CCDC141: variants seen among roughly 807,000 people sequenced by gnomAD.
CCDC141 encodes the protein coiled-coil domain containing 141.
In CCDC141, 168 loss-of-function variants were observed where a neutral mutation model predicts 181.0. That is an observed-to-expected ratio of 0.93 (90% confidence interval 0.82 to 1.05). CCDC141 has a LOEUF of 1.05. Among genes scored for constraint, CCDC141 ranks in the 50% least tolerant of loss-of-function variants. The pLI, the probability that CCDC141 is intolerant of heterozygous loss-of-function variation, is 0.00. For missense variants in CCDC141, 1,902 were observed against 1,788.5 expected, an observed-to-expected ratio of 1.06 and a Z score of -1.14; for synonymous variants, 666 against 642.3, an observed-to-expected ratio of 1.04 and a Z score of -0.56.
Position 178,845,684 on chromosome 2 carries a change from T to C in CCDC141, c.3416A>G (p.Asp1139Gly). The C allele has an allele frequency of 6.2e-7, 1 of 1,612,712 alleles. No individual in the cohort carries two copies. Among genetic ancestry groups the C allele is most frequent in the Non-Finnish European group, 8.5e-7 (1 of 1,178,888 alleles). ...ATTTTTTGCTGGTTCCTTTAGCAAG[T>C]CAATGTAATCATAATGGAAGTCTTC... The part of the protein sequence containing the change: ...NLEDFHYDYI[D>G]LLKEPAKNKQ... The change falls in exon 22 of 24, where the codon GAC (aspartate) becomes GGC (glycine). Residue 1139 changes from aspartate (D) to glycine (G), a missense_variant. Physicochemically the swap from Asp to Gly is moderately conservative, Grantham distance 94. Transcript: ENST00000443758.
intron 17 of CCDC141, among the ~76,000 whole-genome samples, chr2:178,863,598 A>G (rs1313781532): frequency 2.0e-5 from 3 of 152,134 alleles, no homozygotes; most frequent in Non-Finnish European, 4.4e-5. Flanking sequence ...GAACACACAT[A>G]TTTTTATTTT....
At position 178,954,471 on chromosome 2, in the gene CCDC141, G is replaced by A. The variant is rs559471896; in HGVS notation, c.780+6759C>T. ...TAAGATAGGAAAGTATGTGTTTTTC[G>A]TTTACTGTTTTCCTGCAATTGATGT... On this transcript the variant is annotated intron_variant, in intron 5 of 23. Transcript: ENST00000443758. Among the ~76,000 whole-genome samples the A allele has an allele frequency of 4.6e-5, 7 of 152,212 alleles. No individual in the cohort carries two copies. In the South Asian group the frequency reaches 8.3e-4, roughly 18 times the overall value.
At chr2:179,039,184 TC>T (rs1017771966) in intron 2 of CCDC141, among the ~76,000 whole-genome samples, 1 of 152,126 alleles carries the variant, frequency 6.6e-6, no homozygotes, top group African/African-American at 2.4e-5. Flanking sequence ...AAATATTTTT[TC>T]TTTGGACACT....
In CCDC141 at chr2:179,049,830, G is replaced by A; in HGVS notation, c.102+10C>T. 1 of 1,550,548 alleles carries A rather than the reference G, an allele frequency of 6.4e-7. No individual in the cohort carries two copies. Among genetic ancestry groups the A allele is most frequent in the Non-Finnish European group, 8.7e-7 (1 of 1,146,768 alleles). The stretch of plus-strand genomic sequence containing the variant: ...ACAGCCGCACAGAAAAAAGGAAGTT[G>A]TTAGCTTACCTTTATGACAGCTATA... On this transcript the variant is annotated intron_variant, in intron 1 of 23. Transcript: ENST00000443758.
intron 2 of CCDC141, among the ~76,000 whole-genome samples, chr2:179,000,376 A>G (rs2154383297): frequency 6.6e-6 from 1 of 152,304 alleles, no homozygotes; most frequent in South Asian, 2.1e-4. Flanking sequence ...CCTAGTCTAA[A>G]TAGTTGCAAC....
chr2:179,035,229 A>G (rs1373827721), intron 2 of CCDC141, among the ~76,000 whole-genome samples: 1 of 152,172 alleles, frequency 6.6e-6, no homozygotes, highest in Non-Finnish European at 1.5e-5. Context: ...TCATAAAGAA[A>G]ACCTCTCATA....
At chr2:178,880,317 A>G (rs1686537119) in intron 11 of CCDC141, among the ~76,000 whole-genome samples, 1 of 152,204 alleles carries the variant, frequency 6.6e-6, no homozygotes, top group Non-Finnish European at 1.5e-5. Flanking sequence ...CAATTGCTTT[A>G]TTACACTTGT....
Position 179,049,862 on chromosome 2 carries a change from T to C in CCDC141, c.80A>G (p.Lys27Arg). Residue 27 changes from lysine to arginine, a missense_variant, in exon 1 of 24, where the codon AAA (lysine) becomes AGA (arginine). Physicochemically the swap from Lys to Arg is conservative, Grantham distance 26. Coordinates refer to ENST00000443758, the MANE Select transcript of CCDC141 (RefSeq NM_173648.4). Reference protein sequence around the residue: ...SSVAVQAGDSKIVIAVIKCGK... With the variant: ...SSVAVQAGDSRIVIAVIKCGK... ...TACCTTTATGACAGCTATAACGATT[T>C]TGGAGTCCCCAGCCTGCACAGCAAC... 6.4e-7 allele frequency: 1 copy of C among 1,550,774 alleles called. No homozygotes were observed. The highest frequency in any genetic ancestry group is 8.7e-7 in the Non-Finnish European group (1 of 1,146,942).
the CCDC141 span, chr2:178,817,718 C>A: frequency 5.9e-6 from 2 of 337,974 alleles, no homozygotes; most frequent in South Asian, 2.5e-5. Context: ...CTAAGATACA[C>A]ATGTGTAATA....
chr2:178,914,611 G>T (rs574457576), intron 7 of CCDC141, among the ~76,000 whole-genome samples: 16 of 152,240 alleles, frequency 1.1e-4, no homozygotes, highest in South Asian at 2.1e-4. Flanking sequence ...AAGGCAGTGG[G>T]GGAACTGTTG....
At chr2:178,973,848 C>T (rs528159539) in intron 4 of CCDC141, among the ~76,000 whole-genome samples, 15 of 152,302 alleles carry the variant, frequency 9.8e-5, no homozygotes, top group Non-Finnish European at 1.8e-4. Flanking sequence ...CTGTTGCCTT[C>T]CAGTCTCCTA....
At chr2:178,996,042 T>G (rs1363804718) in intron 2 of CCDC141, among the ~76,000 whole-genome samples, 1 of 151,990 alleles carries the variant, frequency 6.6e-6, no homozygotes, top group Non-Finnish European at 1.5e-5. Flanking sequence ...TGACAATGAG[T>G]GTGGTAAGAA....
chr2:179,005,371 A>G (rs1236022499), intron 2 of CCDC141, among the ~76,000 whole-genome samples: 2 of 152,204 alleles, frequency 1.3e-5, no homozygotes, highest in African/African-American at 4.8e-5. Context: ...TTGTTTAAAT[A>G]GTTTTAAAAT....
chr2:178,826,466 T>C (rs1489398002), downstream of CCDC141, among the ~76,000 whole-genome samples: 4 of 152,206 alleles, frequency 2.6e-5, no homozygotes, highest in East Asian at 7.7e-4. Flanking sequence ...GAGTTCTCTC[T>C]GCTTCTATTT....
chr2:178,822,430 A>G, the CCDC141 span, among the ~76,000 whole-genome samples: 1 of 30,158 alleles, frequency 3.3e-5, no homozygotes, highest in African/African-American at 1.6e-4. Context: ...ATCCCTCCTG[A>G]AAAAAAAAAA....
At chr2:178,992,340 CTTT>C (rs34507992) in intron 2 of CCDC141, among the ~76,000 whole-genome samples, 4 of 118,604 alleles carry the variant, frequency 3.4e-5, no homozygotes, top group Non-Finnish European at 5.2e-5. Context: ...TAAAATAGAC[CTTT>C]TTTTTTTTTT....
chr2:178,988,375 C>T (rs1055758319), intron 2 of CCDC141, among the ~76,000 whole-genome samples: 29 of 149,974 alleles, frequency 1.9e-4, no homozygotes, highest in Admixed American at 8.6e-4. Flanking sequence ...TGCTAGATGA[C>T]GAGTTAGTGG....
At chr2:178,939,600 G>A (rs1689426023) in intron 6 of CCDC141, among the ~76,000 whole-genome samples, 1 of 152,096 alleles carries the variant, frequency 6.6e-6, no homozygotes, top group African/African-American at 2.4e-5. Context: ...TATTAGAGAG[G>A]TAGGCAACCT....
At chr2:178,866,009 C>G in intron 16 of CCDC141, 93 bp from the exon 17 acceptor site, 1 of 1,028,070 alleles carries the variant, frequency 9.7e-7, no homozygotes, top group South Asian at 3.6e-5. Flanking sequence ...TCATAAATGA[C>G]ACTTTTTAAA....
Sources: allele counts gnomAD v4.1 joint callset (sites outside exome capture counted in the v4.1 genomes callset), GRCh38; gene constraint gnomAD v4.1.1; transcripts MANE v1.5; gene names NCBI Gene and HGNC (gene_info 2026-07-23, HGNC 2026-07-21).